Variants in MTAP observed in about 807,000 individuals in gnomAD.
The protein encoded by MTAP is methylthioadenosine phosphorylase.
Under a neutral mutation model 33.6 loss-of-function variants are expected in MTAP, and 33 were observed. That is an observed-to-expected ratio of 0.98 (90% CI 0.74 to 1.31). The LOEUF is 1.31. MTAP is among the 40% of genes most tolerant of loss of function. The pLI is 0.00. For missense variants in MTAP, 367 were observed against 360.0 expected (o/e 1.02, Z -0.16); for synonymous variants, 148 against 125.7 (o/e 1.18, Z -1.19).
At chr9:21,851,209 A>C (rs1054175696) in intron 5 of MTAP, among the ~76,000 whole-genome samples, 1 of 152,304 alleles carries the variant, frequency 6.6e-6, no homozygotes, top group East Asian at 1.9e-4. Context: ...ACCACAACCT[A>C]CTGAGGTCCT....
chr9:21,881,326 G>A (rs974150658), intron 1 of MTAP, among the ~76,000 whole-genome samples: 1 of 151,932 alleles, frequency 6.6e-6, no homozygotes, highest in Non-Finnish European at 1.5e-5. Flanking sequence ...ACATACAGGG[G>A]AAAGATTTAT....
At chr9:21,939,632 G>A (rs987310853), downstream of MTAP, among the ~76,000 whole-genome samples, 8 of 152,084 alleles carry the variant, frequency 5.3e-5, no homozygotes, top group South Asian at 6.2e-4. Context: ...GGGAGGCCAA[G>A]GAGGGCTGAT....
At chr9:21,905,607 A>G (rs963261429) in intron 1 of MTAP, among the ~76,000 whole-genome samples, 2 of 151,442 alleles carry the variant, frequency 1.3e-5, no homozygotes, top group Non-Finnish European at 2.9e-5. Context: ...ACACTGTGTT[A>G]AGTGCATAGG....
chr9:21,862,811 C>T lies in MTAP; in HGVS notation c.*797C>T, dbSNP rs58555715. On this transcript the variant is annotated 3_prime_UTR_variant, in exon 8 of 8. Coordinates refer to ENST00000644715, the MANE Select transcript of MTAP (RefSeq NM_002451.4). Reference sequence around the variant, plus strand: ...AAAACTAGAAAGAAATATATATAACCTTGTTATTGTATTTGGGGGAGGGAT... The same window carrying T: ...AAAACTAGAAAGAAATATATATAACTTTGTTATTGTATTTGGGGGAGGGAT... The T allele has an allele frequency of 0.022, 8,075 of 371,726 alleles. 637 individuals are homozygous for T. Among genetic ancestry groups the T allele is most frequent in the African/African-American group, 0.17 (7,502 of 45,040 alleles). 23.0% of individuals were successfully genotyped at this position (371,726 alleles called of 1,614,324 possible). A position where few individuals can be genotyped will look rare whatever the true frequency, so the allele number is the denominator to read the frequency against.
At chr9:21,940,886 C>T (rs967104281), downstream of MTAP, 1 of 394,104 alleles carries the variant, frequency 2.5e-6, no homozygotes, top group African/African-American at 2.2e-5. Flanking sequence ...GGTGCTTGAA[C>T]ATTATCTTTA....
chr9:21,901,629 C>G (rs1288702884), intron 1 of MTAP, among the ~76,000 whole-genome samples: 1 of 152,150 alleles, frequency 6.6e-6, no homozygotes, highest in Non-Finnish European at 1.5e-5. Context: ...CCTCAACCTC[C>G]TTTGCCAGGT....
intron 4 of MTAP, among the ~76,000 whole-genome samples, 156 bp from the exon 5 acceptor site, chr9:21,837,752 T>C (rs1825145927): frequency 6.6e-6 from 1 of 152,166 alleles, no homozygotes. Flanking sequence ...ACCCTGAAGC[T>C]TTTGTAAACA....
At chr9:21,930,770 CT>C in intron 1 of MTAP, 1 of 711,216 alleles carries the variant, frequency 1.4e-6, no homozygotes, top group Non-Finnish European at 2.5e-6. Context: ...AAAAATGTTG[CT>C]TTTGGGTAAA....
downstream of MTAP, chr9:21,933,982 G>A (rs1819003651): frequency 6.6e-6 from 1 of 152,194 alleles, no homozygotes; most frequent in Non-Finnish European, 1.5e-5. Flanking sequence ...AGAAACTTCA[G>A]CCAAATTAAA....
At chr9:21,823,807 A>T (rs1310760680) in intron 4 of MTAP, among the ~76,000 whole-genome samples, 1 of 152,072 alleles carries the variant, frequency 6.6e-6, no homozygotes, top group African/African-American at 2.4e-5. Context: ...GGCTTCGTTC[A>T]TTTCTTTTTA....
At chr9:21,941,011 A>G (rs1003032256), downstream of MTAP, 4 of 984,802 alleles carry the variant, frequency 4.1e-6, no homozygotes, top group African/African-American at 5.2e-5. Context: ...GACCAAACAT[A>G]TATTTGCATG....
intron 4 of MTAP, among the ~76,000 whole-genome samples, chr9:21,823,718 G>A (rs1824708394): frequency 6.6e-6 from 1 of 152,174 alleles, no homozygotes. Flanking sequence ...TTCCAACTTG[G>A]TTCCATTCTC....
At chr9:21,888,966 A>G (rs1252095514) in intron 1 of MTAP, among the ~76,000 whole-genome samples, 1 of 152,110 alleles carries the variant, frequency 6.6e-6, no homozygotes, top group Non-Finnish European at 1.5e-5. Context: ...ACAAGCTAGA[A>G]GAGAGTGGGG....
intron 1 of MTAP, among the ~76,000 whole-genome samples, chr9:21,809,502 G>A (rs1824290628): frequency 6.6e-6 from 1 of 152,080 alleles, no homozygotes; most frequent in Non-Finnish European, 1.5e-5. Flanking sequence ...AGCCGGGCAC[G>A]GTGGCAGCCT....
chr9:21,923,746 T>G (rs1818824083), intron 1 of MTAP, among the ~76,000 whole-genome samples: 2 of 152,090 alleles, frequency 1.3e-5, no homozygotes, highest in Non-Finnish European at 2.9e-5. Flanking sequence ...AAGTGCAGCC[T>G]CTTGCAGCAG....
chr9:21,876,877 A>G (rs916465397), intron 1 of MTAP, among the ~76,000 whole-genome samples: 31 of 151,080 alleles, frequency 2.1e-4, no homozygotes, highest in African/African-American at 7.5e-4. Flanking sequence ...TGAATTAAAA[A>G]AAAAAATTTC....
chr9:21,928,666 C>A (rs890020920), intron 1 of MTAP, among the ~76,000 whole-genome samples: 1 of 152,050 alleles, frequency 6.6e-6, no homozygotes, highest in Non-Finnish European at 1.5e-5. Context: ...AAGTGGTACC[C>A]TCACTTTGCC....
intron 1 of MTAP, among the ~76,000 whole-genome samples, chr9:21,908,486 C>G (rs948350672): frequency 5.3e-5 from 8 of 152,074 alleles, no homozygotes; most frequent in Admixed American, 4.6e-4. Flanking sequence ...AGTGAAATTG[C>G]TGGGTCATAT....
chr9:21,846,899 A>G (rs1019736557), intron 5 of MTAP, among the ~76,000 whole-genome samples: 1 of 152,242 alleles, frequency 6.6e-6, no homozygotes, highest in Non-Finnish European at 1.5e-5. Context: ...GTGATGGTTA[A>G]TACTGAGTGT....
Sources: allele counts gnomAD v4.1 joint callset (sites outside exome capture counted in the v4.1 genomes callset), GRCh38; gene constraint gnomAD v4.1.1; transcripts MANE v1.5; gene names NCBI Gene and HGNC (gene_info 2026-07-23, HGNC 2026-07-21).